ARHGEF12: variants seen among roughly 807,000 people sequenced by gnomAD.
ARHGEF12 encodes Rho guanine nucleotide exchange factor 12.
Under a neutral mutation model 211.2 loss-of-function variants are expected in ARHGEF12, and 66 were observed. That is an observed-to-expected ratio of 0.31 (90% confidence interval 0.26 to 0.38). The LOEUF (loss-of-function observed/expected upper bound fraction) is 0.38, where lower values mean the gene tolerates loss of function less well. Ranked by LOEUF, ARHGEF12 falls within the 10% of genes least tolerant of loss-of-function variation. The pLI is 1.00. For missense variants in ARHGEF12, 1,429 were observed against 1,869.5 expected, an observed-to-expected ratio of 0.76 and a Z score of 4.34; for synonymous variants, 592 against 638.4, an observed-to-expected ratio of 0.93 and a Z score of 1.09.
At chr11:120,398,574 T>C (rs1254993826) in intron 1 of ARHGEF12, among the ~76,000 whole-genome samples, 1 of 152,186 alleles carries the variant, frequency 6.6e-6, no homozygotes, top group African/African-American at 2.4e-5. Context: ...AAAGTGTGTT[T>C]TTTTTGTGTG....
At chr11:120,368,629 A>G (rs910388368) in intron 1 of ARHGEF12, among the ~76,000 whole-genome samples, 2 of 152,242 alleles carry the variant, frequency 1.3e-5, no homozygotes, top group Non-Finnish European at 2.9e-5. Flanking sequence ...CACACAATCC[A>G]TTGAGTGCTT....
At chr11:120,375,645 A>G (rs1276285507) in intron 1 of ARHGEF12, among the ~76,000 whole-genome samples, 1 of 151,714 alleles carries the variant, frequency 6.6e-6, no homozygotes, top group Non-Finnish European at 1.5e-5. Context: ...CCCCATAGGC[A>G]TGCTCAGAGT....
At chr11:120,348,756 G>T (rs187333778) in intron 1 of ARHGEF12, among the ~76,000 whole-genome samples, 1 of 152,056 alleles carries the variant, frequency 6.6e-6, no homozygotes, top group Non-Finnish European at 1.5e-5. Context: ...CAGGAGAATC[G>T]CTTGAACCAG....
intron 1 of ARHGEF12, among the ~76,000 whole-genome samples, chr11:120,375,217 A>G (rs548467796): frequency 1.9e-4 from 29 of 152,316 alleles, no homozygotes; most frequent in Middle Eastern, 3.4e-3. Context: ...ACATTCATTA[A>G]CAACTGGTTT....
chr11:120,466,845 A>G (rs1342021810), intron 28 of ARHGEF12, among the ~76,000 whole-genome samples: 1 of 152,224 alleles, frequency 6.6e-6, no homozygotes, highest in African/African-American at 2.4e-5. Flanking sequence ...TAGCTAACCA[A>G]TTTTGGTAGG....
At chr11:120,419,314 GT>G (rs1319960948) in intron 4 of ARHGEF12, among the ~76,000 whole-genome samples, 2 of 149,610 alleles carry the variant, frequency 1.3e-5, no homozygotes, top group Admixed American at 6.6e-5. Context: ...AGTTTCCTAG[GT>G]TTTTTTTCTT....
intron 1 of ARHGEF12, among the ~76,000 whole-genome samples, chr11:120,351,548 T>G (rs1942973299): frequency 6.9e-6 from 1 of 144,032 alleles, no homozygotes; most frequent in Non-Finnish European, 1.5e-5. Context: ...TTGGCTCACT[T>G]GAACCTCCAC....
intron 1 of ARHGEF12, among the ~76,000 whole-genome samples, chr11:120,369,561 T>A (rs1383948749): frequency 6.6e-6 from 1 of 152,236 alleles, no homozygotes. Flanking sequence ...ATTTAATCAT[T>A]ATGTTTATCA....
Position 120,457,204 on chromosome 11 carries a change from C to T in ARHGEF12, c.2143C>T (p.Pro715Ser). 6.2e-7 allele frequency: 1 copy of T among 1,614,090 alleles called. No individual in the cohort carries two copies. The highest frequency in any genetic ancestry group is 8.5e-7 in the Non-Finnish European group (1 of 1,179,988). The change falls in exon 23 of 41, where the codon CCA becomes TCA. Residue 715 changes from proline (P) to serine (S), a missense_variant. Coordinates refer to ENST00000397843, the MANE Select transcript of ARHGEF12 (RefSeq NM_015313.3). ...RTLNTVFDFPPPPLDQVQEEE... is the reference protein window; with the variant it reads ...RTLNTVFDFPSPPLDQVQEEE... ...TCTCAATACTGTCTTTGATTTCCCA[C>T]CACCTCCATTAGACCAAGTGCAGGA...
Position 120,481,295 on chromosome 11 carries a change from C to G in ARHGEF12, c.4273C>G (p.Gln1425Glu). 1 of 1,614,216 alleles carries G rather than the reference C, an allele frequency of 6.2e-7. No homozygotes were observed. The highest frequency in any genetic ancestry group is 8.5e-7 in the Non-Finnish European group (1 of 1,180,046). The change falls in exon 39 of 41, where the codon CAG becomes GAG. Residue 1425 changes from glutamine to glutamate, a missense_variant. Gln to Glu is a conservative substitution (Grantham distance 29, BLOSUM62 2). Around this residue, in one of 7 missense-constraint regions of ARHGEF12, gnomAD observed 467 missense variants for 468.4 expected, o/e 1.00. Coordinates refer to ENST00000397843, the MANE Select transcript of ARHGEF12 (RefSeq NM_015313.3). The part of the protein sequence containing the change: ...YLILDGYDPV[Q>E]ESSTDEEVAS... ...GATCCTTGATGGCTATGACCCAGTG[C>G]AGGAGAGTTCCACAGATGAGGAGGT...
In ARHGEF12 at chr11:120,337,335, G is replaced by A. The variant is rs1276514606; in HGVS notation, c.32+60G>A. ...GAATCGGGCCCGACCTAGCAGGGGA[G>A]TCGGTGATTGCAGATTGCCTTTGGC... On this transcript the variant is annotated intron_variant, in intron 1 of 40. Coordinates refer to ENST00000397843, the MANE Select transcript of ARHGEF12 (RefSeq NM_015313.3). 5.6e-6 allele frequency: 9 copies of A among 1,611,122 alleles called. No homozygotes were observed. In the East Asian group the frequency reaches 1.8e-4, roughly 32 times the overall value.
intron 39 of ARHGEF12, among the ~76,000 whole-genome samples, chr11:120,484,083 G>T (rs1424199249): frequency 6.6e-6 from 1 of 152,188 alleles, no homozygotes; most frequent in Non-Finnish European, 1.5e-5. Context: ...CCATCATCAT[G>T]TATGCAGGCC....
intron 13 of ARHGEF12, among the ~76,000 whole-genome samples, chr11:120,441,182 A>G (rs773272771): frequency 6.6e-6 from 1 of 152,078 alleles, no homozygotes; most frequent in Non-Finnish European, 1.5e-5. Flanking sequence ...AGTTGGGGGT[A>G]ATGCTGGTCT....
rs1229089297 is a variant in ARHGEF12 at position 120,337,748 on chromosome 11, C to G, written c.32+473C>G. The G allele has an allele frequency of 4.1e-6, 4 of 985,314 alleles. No individual in the cohort carries two copies. In the South Asian group the frequency reaches 1.4e-4, roughly 35 times the overall value. The allele number at this position is 985,314 out of a possible 1,614,324, so 61.0% of individuals were successfully genotyped here. A position where few individuals can be genotyped will look rare whatever the true frequency, so the allele number is the denominator to read the frequency against. On this transcript the variant is annotated intron_variant, in intron 1 of 40. Transcript: ENST00000397843. ...CTGCATGGTGATCTGGGAACTTGAT[C>G]TCTTTCAGATGTTGACCTGCACGGT...
chr11:120,398,597 TA>T (rs1944459639), intron 1 of ARHGEF12, among the ~76,000 whole-genome samples: 1 of 152,152 alleles, frequency 6.6e-6, no homozygotes, highest in South Asian at 2.1e-4. Context: ...TGTGATAAAC[TA>T]GGTGGATTGC....
Position 120,474,573 on chromosome 11 carries a change from C to G in ARHGEF12, c.3047C>G (p.Thr1016Arg), listed in dbSNP as rs1391785161. 1 of 1,609,980 alleles carries G rather than the reference C, an allele frequency of 6.2e-7. No homozygotes were observed. Among genetic ancestry groups the G allele is most frequent in the Non-Finnish European group, 8.5e-7 (1 of 1,178,878 alleles). The change falls in exon 32 of 41, where the codon ACA becomes AGA. Residue 1016 changes from threonine to arginine, a missense_variant. By Grantham distance (71) the Thr-to-Arg change is moderately conservative. Transcript: ENST00000397843. ...NVEELRNLDLTKRKMIHEGPL... is the reference protein window; with the variant it reads ...NVEELRNLDLRKRKMIHEGPL... ...TTATTTTGCCAGAATTTGGATTTAACAAAAAGGAAGATGATTCATGAAGGG... is the reference window on the plus strand; with the variant it reads ...TTATTTTGCCAGAATTTGGATTTAAGAAAAAGGAAGATGATTCATGAAGGG...
At chr11:120,345,688 C>T (rs1042584800) in intron 1 of ARHGEF12, among the ~76,000 whole-genome samples, 3 of 112,340 alleles carry the variant, frequency 2.7e-5, no homozygotes, top group African/African-American at 3.5e-5. Context: ...GGGCACAGAG[C>T]GAGACTCCGT....
At chr11:120,450,148 A>T (rs1025808988) in intron 21 of ARHGEF12, 1 of 152,214 alleles carries the variant, frequency 6.6e-6, no homozygotes, top group African/African-American at 2.4e-5. Context: ...AGGCGGGAGG[A>T]TCACTTGAGC....
At chr11:120,424,473 A>G (rs1464164971) in intron 7 of ARHGEF12, 58 bp downstream of exon 7, 1 of 1,506,858 alleles carries the variant, frequency 6.6e-7, no homozygotes, top group African/African-American at 1.4e-5. Flanking sequence ...AGTAAGGAGC[A>G]GCAAATTTCC....
Sources: allele counts gnomAD v4.1 joint callset (sites outside exome capture counted in the v4.1 genomes callset), GRCh38; gene constraint gnomAD v4.1.1; regional missense constraint gnomAD v4.1.1; transcripts MANE v1.5; gene names NCBI Gene and HGNC (gene_info 2026-07-23, HGNC 2026-07-21).